Variants in KIF26B observed in about 807,000 individuals in gnomAD.
KIF26B encodes kinesin family member 26B.
KIF26B carries 63 observed loss-of-function variants against 151.2 expected under a neutral mutation model. The ratio of observed to expected loss-of-function variants is 0.42; its 90% CI spans 0.34 to 0.51. The LOEUF (loss-of-function observed/expected upper bound fraction) is 0.51. Ranked by LOEUF, KIF26B falls within the 20% of genes least tolerant of loss-of-function variation. The pLI is 0.07. For missense variants in KIF26B, 2,813 were observed against 2,913.6 expected (o/e 0.97, Z 0.79); for synonymous variants, 1,357 against 1,262.1 (o/e 1.08, Z -1.59).
chr1:245,386,002 G>A (rs1673534058), intron 3 of KIF26B, among the ~76,000 whole-genome samples: 1 of 152,114 alleles, frequency 6.6e-6, no homozygotes, highest in South Asian at 2.1e-4. Flanking sequence ...AGAGAAAGCC[G>A]AAAGAGTAAG....
intron 5 of KIF26B, among the ~76,000 whole-genome samples, chr1:245,548,988 C>T (rs1012394607): frequency 1.3e-5 from 2 of 152,138 alleles, no homozygotes; most frequent in Admixed American, 6.5e-5. Flanking sequence ...GTGATCCACC[C>T]GCCTTGGCTT....
chr1:245,426,950 C>A (rs1658662956), intron 4 of KIF26B, among the ~76,000 whole-genome samples: 1 of 152,210 alleles, frequency 6.6e-6, no homozygotes, highest in Admixed American at 6.5e-5. Context: ...TCTTTAGTCC[C>A]TGGGCCCTTA....
chr1:245,366,520 G>C, intron 2 of KIF26B, among the ~76,000 whole-genome samples: 1 of 146,254 alleles, frequency 6.8e-6, no homozygotes, highest in South Asian at 2.1e-4. Context: ...GACAAGGCGA[G>C]ACTCCATCTC....
At chr1:245,519,505 G>A (rs1661039929) in intron 4 of KIF26B, among the ~76,000 whole-genome samples, 2 of 151,848 alleles carry the variant, frequency 1.3e-5, no homozygotes, top group Admixed American at 1.3e-4. Context: ...AGTGAGTCGA[G>A]GTGGTACCAC....
At chr1:245,413,783 C>G (rs891019085) in intron 3 of KIF26B, among the ~76,000 whole-genome samples, 2 of 152,084 alleles carry the variant, frequency 1.3e-5, no homozygotes, top group Non-Finnish European at 2.9e-5. Context: ...AGGGCAGCCT[C>G]GAGTTAGGAA....
At chr1:245,237,208 G>C (rs780536329) in intron 2 of KIF26B, among the ~76,000 whole-genome samples, 8 of 152,082 alleles carry the variant, frequency 5.3e-5, no homozygotes, top group Non-Finnish European at 1.0e-4. Context: ...GCTAAATGAG[G>C]GCTAGACAGA....
At position 245,284,860 on chromosome 1, in the gene KIF26B, GA is replaced by G. The variant is rs545860228; in HGVS notation, c.466-81970del. Among the ~76,000 whole-genome samples, 18 of 152,030 alleles carry G rather than the reference GA, an allele frequency of 1.2e-4. No individual in the cohort carries two copies. The South Asian group carries it at 3.5e-3, about 30-fold the overall frequency. ...TCAAGACCAGCCTGACCAATATGGA[GA>G]AAACCCCGTCTCTAATAAAAATACA... is the stretch of plus-strand genomic sequence containing the variant. On this transcript the variant is annotated intron_variant, in intron 2 of 14. Coordinates refer to ENST00000407071, the MANE Select transcript of KIF26B (RefSeq NM_018012.4).
intron 5 of KIF26B, among the ~76,000 whole-genome samples, chr1:245,569,331 C>A (rs1016163268): frequency 6.6e-6 from 1 of 151,992 alleles, no homozygotes; most frequent in Non-Finnish European, 1.5e-5. Flanking sequence ...AGTCAAGAAG[C>A]CTTTGATTGG....
At chr1:245,280,104 G>A (rs777803201) in intron 2 of KIF26B, among the ~76,000 whole-genome samples, 4 of 152,078 alleles carry the variant, frequency 2.6e-5, no homozygotes, top group Non-Finnish European at 5.9e-5. Context: ...GAGCCTAGCT[G>A]CTGCTCCCCA....
intron 2 of KIF26B, among the ~76,000 whole-genome samples, chr1:245,223,703 TC>T (rs1669819005): frequency 6.6e-6 from 1 of 152,220 alleles, no homozygotes; most frequent in South Asian, 2.1e-4. Flanking sequence ...TCTGCAGACC[TC>T]TTAGGTTCTC....
rs115151372 is a variant in KIF26B at position 245,564,218 on chromosome 1, C to T, written c.1350+23268C>T. 7.2e-3 allele frequency among the ~76,000 whole-genome samples: 1,101 copies of T among 152,206 alleles called. 7 individuals are homozygous for T. The highest frequency in any genetic ancestry group is 0.025 in the African/African-American group (1,053 of 41,534). On this transcript the variant is annotated intron_variant, in intron 5 of 14. Coordinates refer to ENST00000407071, the MANE Select transcript of KIF26B (RefSeq NM_018012.4). The surrounding 1 kb of genome is among the most constrained non-coding windows in gnomAD (Gnocchi z 4.6). ...CTCTGAGTCTCTGCCCCTGGGTTCA[C>T]GCCACTTAGAATGAGCTTCCCCCCA...
chr1:245,360,581 A>C (rs1454012370), intron 2 of KIF26B, among the ~76,000 whole-genome samples: 3 of 152,208 alleles, frequency 2.0e-5, no homozygotes, highest in Non-Finnish European at 2.9e-5. Flanking sequence ...AAGCTTAGAG[A>C]GATTTGTGAA....
chr1:245,394,498 C>T (rs1231965412), intron 3 of KIF26B, among the ~76,000 whole-genome samples: 2 of 152,008 alleles, frequency 1.3e-5, no homozygotes, highest in Non-Finnish European at 2.9e-5. Context: ...TGGCACAGGC[C>T]TGTAGTCTCA....
At chr1:245,595,975 G>A (rs2043332909) in intron 5 of KIF26B, among the ~76,000 whole-genome samples, 1 of 152,092 alleles carries the variant, frequency 6.6e-6, no homozygotes, top group African/African-American at 2.4e-5. Context: ...ATTCTCTGAC[G>A]GTAGTTTGTA....
At chr1:245,434,547 G>C (rs761682985) in intron 4 of KIF26B, among the ~76,000 whole-genome samples, 66 of 152,124 alleles carry the variant, frequency 4.3e-4, no homozygotes, top group Non-Finnish European at 6.6e-4. Flanking sequence ...CTCATCATTT[G>C]CTTGCACAAA....
chr1:245,485,647 G>A (rs185766598), intron 4 of KIF26B, among the ~76,000 whole-genome samples: 8 of 152,328 alleles, frequency 5.3e-5, no homozygotes, highest in Admixed American at 5.2e-4. Flanking sequence ...GCCTCCCAGA[G>A]TGCTGGGATT....
chr1:245,590,200 C>T (rs2043272477), intron 5 of KIF26B, among the ~76,000 whole-genome samples: 1 of 151,130 alleles, frequency 6.6e-6, no homozygotes, highest in Non-Finnish European at 1.5e-5. Flanking sequence ...AAGCACAAAC[C>T]ACCCGGCGAG....
rs777935067 is a variant in KIF26B, at chr1:245,540,906, C to A, written c.1306C>A (p.Leu436Met). The A allele has an allele frequency of 1.9e-6, 3 of 1,613,822 alleles. No homozygotes were observed. Among genetic ancestry groups the A allele is most frequent in the Non-Finnish European group, 2.5e-6 (3 of 1,179,852 alleles). ...CCCTCCCCCAGCCCCACCCTGCCTG[C>A]TGAGGGCTGTCAACAAGGTGAAGGA... ...TSPPPAPPCL[L>M]RAVNKVKDTP... is the part of the protein sequence containing the mutation. Residue 436 changes from leucine (L) to methionine (M), a missense_variant, in exon 5 of 15, where the codon CTG becomes ATG. Coordinates refer to ENST00000407071, the MANE Select transcript of KIF26B (RefSeq NM_018012.4). This position sits in a 1 kb window ranked among gnomAD's most constrained non-coding sequence, Gnocchi z 4.6.
At chr1:245,254,683 T>G (rs974681909) in intron 2 of KIF26B, among the ~76,000 whole-genome samples, 1 of 152,182 alleles carries the variant, frequency 6.6e-6, no homozygotes, top group South Asian at 2.1e-4. Flanking sequence ...AGTTACGTGC[T>G]ATGACATCAC....
Sources: allele counts gnomAD v4.1 joint callset (sites outside exome capture counted in the v4.1 genomes callset), GRCh38; gene constraint gnomAD v4.1.1; non-coding constraint Gnocchi (gnomAD v3.1); transcripts MANE v1.5; gene names NCBI Gene and HGNC (gene_info 2026-07-23, HGNC 2026-07-21).